Variants in SORBS2 observed in about 807,000 individuals in gnomAD.
SORBS2 encodes the protein sorbin and SH3 domain containing 2, also known as sorbin and SH3 domain-containing protein 2.
In SORBS2, 46 loss-of-function variants were observed where a neutral mutation model predicts 97.7. That is an observed-to-expected ratio of 0.47 (90% confidence interval 0.37 to 0.60). SORBS2 has a LOEUF of 0.60. Ranked by LOEUF, SORBS2 falls within the 20% of genes least tolerant of loss-of-function variation. The pLI is 0.00. For missense variants in SORBS2, 1,316 were observed against 1,282.3 expected (o/e 1.03, Z -0.40); for synonymous variants, 476 against 473.4 (o/e 1.01, Z -0.07).
At chr4:185,888,658 G>A (rs2099240897) in intron 1 of SORBS2, among the ~76,000 whole-genome samples, 1 of 152,196 alleles carries the variant, frequency 6.6e-6, no homozygotes, top group Admixed American at 6.5e-5. Context: ...CTCACACAAT[G>A]TTTGGGAATT....
At chr4:185,608,972 G>T (rs187684696) in intron 12 of SORBS2, among the ~76,000 whole-genome samples, 1 of 150,490 alleles carries the variant, frequency 6.6e-6, no homozygotes, top group Admixed American at 6.7e-5. Flanking sequence ...TATAGTAGGA[G>T]TGGGGTATTA....
At chr4:185,753,678 T>C (rs2098814041) in intron 2 of SORBS2, among the ~76,000 whole-genome samples, 1 of 152,236 alleles carries the variant, frequency 6.6e-6, no homozygotes, top group Non-Finnish European at 1.5e-5. Flanking sequence ...TAAGCAGCAC[T>C]GTCCAAAAGA....
At chr4:185,886,907 A>G (rs1030411156) in intron 1 of SORBS2, among the ~76,000 whole-genome samples, 1 of 152,226 alleles carries the variant, frequency 6.6e-6, no homozygotes, top group Admixed American at 6.5e-5. Context: ...CTTAGACCAA[A>G]TGGTCAGAAA....
intron 1 of SORBS2, among the ~76,000 whole-genome samples, chr4:185,861,015 C>G (rs2099223407): frequency 6.6e-6 from 1 of 152,226 alleles, no homozygotes; most frequent in Non-Finnish European, 1.5e-5. Context: ...CCCCATGAGA[C>G]AGCTTTGCTG....
chr4:185,875,466 T>C (rs2099233017), intron 1 of SORBS2, among the ~76,000 whole-genome samples: 1 of 152,206 alleles, frequency 6.6e-6, no homozygotes, highest in Non-Finnish European at 1.5e-5. Context: ...TGTGGCCAAT[T>C]CCCATCGCTC....
In SORBS2 at chr4:185,666,014, G is replaced by C. The variant is rs185277976; in HGVS notation, c.-45-3772C>G. On this transcript the variant is annotated intron_variant, in intron 4 of 20. Transcript: ENST00000284776. ...GAAAGGCTCTGGGGATTATGCAGGC[G>C]TGAAGACCCCACACCATCGGGGGGC... The C allele has an allele frequency of 6.4e-4, 819 of 1,289,018 alleles. 7 individuals carry two copies. The highest frequency in any genetic ancestry group is 6.2e-3 in the South Asian group (504 of 80,952). 79.8% of individuals were successfully genotyped at this position (1,289,018 alleles called of 1,614,324 possible). A position where few individuals can be genotyped will look rare whatever the true frequency, so the allele number is the denominator to read the frequency against.
chr4:185,635,659 C>G (rs552735888), intron 4 of SORBS2, among the ~76,000 whole-genome samples: 1 of 152,246 alleles, frequency 6.6e-6, no homozygotes, highest in South Asian at 2.1e-4. Flanking sequence ...TTTATAAATT[C>G]ATTTTGTCAA....
At chr4:185,730,311 T>C (rs1391359177) in intron 2 of SORBS2, among the ~76,000 whole-genome samples, 4 of 18,546 alleles carry the variant, frequency 2.2e-4, no homozygotes, top group African/African-American at 2.8e-4. Flanking sequence ...ATATACTTTC[T>C]TTTTTTTTTT....
At chr4:185,659,506 T>A (rs2097477292), upstream of SORBS2, among the ~76,000 whole-genome samples, 1 of 151,900 alleles carries the variant, frequency 6.6e-6, no homozygotes, top group African/African-American at 2.4e-5. Flanking sequence ...AAGCTCCACC[T>A]CCTGGGTTCA....
In SORBS2 at chr4:185,886,569, A is replaced by G. The variant is rs56181160; in HGVS notation, c.-338+69627T>C. The stretch of plus-strand genomic sequence containing the variant: ...GACTCTGTCTCAAAAAAAAAAAAAA[A>G]AAAAGAAAAGAAAAAAAAAAGAAAA... On this transcript the variant is annotated intron_variant, in intron 1 of 20. Coordinates refer to the SORBS2 transcript ENST00000284776. Among the ~76,000 whole-genome samples, 176 of 137,724 alleles carry G rather than the reference A, an allele frequency of 1.3e-3. 1 individual carries two copies. The highest frequency in any genetic ancestry group is 3.9e-3 in the African/African-American group (153 of 39,246). 90.4% of individuals were successfully genotyped at this position (137,724 alleles called of 152,430 possible).
intron 2 of SORBS2, among the ~76,000 whole-genome samples, chr4:185,722,756 T>C (rs1192102752): frequency 3.3e-5 from 5 of 152,326 alleles, no homozygotes; most frequent in East Asian, 3.8e-4. Context: ...ATATTGTTGA[T>C]ATTAAGTGCC....
At chr4:185,644,116 C>T (rs1448184064) in intron 4 of SORBS2, among the ~76,000 whole-genome samples, 1 of 152,148 alleles carries the variant, frequency 6.6e-6, no homozygotes, top group Non-Finnish European at 1.5e-5. Context: ...TCCCATATGG[C>T]CAGCTCAAAC....
intron 1 of SORBS2, among the ~76,000 whole-genome samples, chr4:185,864,407 T>G (rs1434200415): frequency 1.3e-5 from 2 of 152,230 alleles, no homozygotes; most frequent in Non-Finnish European, 2.9e-5. Context: ...AGTAAGACTT[T>G]TACATGCTGA....
chr4:185,723,631 T>G (rs1397490496), intron 2 of SORBS2, among the ~76,000 whole-genome samples: 1 of 152,228 alleles, frequency 6.6e-6, no homozygotes, highest in Non-Finnish European at 1.5e-5. Flanking sequence ...CATACAGAAT[T>G]TGGGGGCTTG....
intron 1 of SORBS2, among the ~76,000 whole-genome samples, chr4:185,862,787 T>G (rs1473106470): frequency 1.3e-5 from 2 of 152,234 alleles, no homozygotes; most frequent in Non-Finnish European, 2.9e-5. Flanking sequence ...GGTCCCCCTC[T>G]TGTTTCCCCT....
At chr4:185,913,899 C>A (rs909343469) in intron 1 of SORBS2, among the ~76,000 whole-genome samples, 1 of 152,174 alleles carries the variant, frequency 6.6e-6, no homozygotes, top group South Asian at 2.1e-4. Context: ...ATAACATCCC[C>A]ATGTGGGACA....
intron 12 of SORBS2, among the ~76,000 whole-genome samples, chr4:185,605,488 TGGACAGGTTGG>T (rs1561359210): frequency 7.2e-5 from 11 of 151,822 alleles, no homozygotes; most frequent in African/African-American, 2.7e-4. Context: ...TTTACCATGT[TGGACAGGTTGG>T]TTTCGAACTC....
chr4:185,705,414 T>A (rs928622027), intron 2 of SORBS2, among the ~76,000 whole-genome samples: 1 of 152,028 alleles, frequency 6.6e-6, no homozygotes, highest in Non-Finnish European at 1.5e-5. Flanking sequence ...GGTGTGGTGG[T>A]GCGCACCTGT....
At chr4:185,877,065 G>T (rs946490212) in intron 1 of SORBS2, among the ~76,000 whole-genome samples, 3 of 152,034 alleles carry the variant, frequency 2.0e-5, no homozygotes, top group African/African-American at 7.2e-5. Context: ...TTCAATAAAA[G>T]AATAAAATTA....
Sources: gnomAD v4.1 joint callset for allele counts (sites outside exome capture counted in the v4.1 genomes callset) on GRCh38, gnomAD v4.1.1 for gene constraint, MANE v1.5 for transcripts, NCBI Gene and HGNC (gene_info 2026-07-23, HGNC 2026-07-21) for gene names.